SH3GL3: variants seen among roughly 807,000 people sequenced by gnomAD.
SH3GL3 encodes endophilin-A3.
Under a neutral mutation model 47.7 loss-of-function variants are expected in SH3GL3, and 33 were observed. That is an observed-to-expected ratio of 0.69 (90% CI 0.52 to 0.92). SH3GL3 has a LOEUF of 0.92. Ranked by LOEUF, SH3GL3 falls within the 40% of genes least tolerant of loss-of-function variation. SH3GL3 has a pLI of 0.00. For synonymous variants in SH3GL3, 155 were observed against 148.8 expected (o/e 1.04, Z -0.30); for missense variants, 363 against 417.8 (o/e 0.87, Z 1.14).
intron 1 of SH3GL3, among the ~76,000 whole-genome samples, chr15:83,474,515 CT>C (rs902602041): frequency 6.8e-4 from 100 of 146,682 alleles, no homozygotes; most frequent in African/African-American, 2.1e-3. Context: ...ATGGCTGGCA[CT>C]TTTTTTTTTT....
Position 83,572,674 on chromosome 15 carries a change from A to G in SH3GL3, c.441A>G (p.Gln147=). ...TTATTGATCCACTTCAGTTACTACAAGATAAAGATTTAAAAGAGATCGGGG... is the reference window on the plus strand; with the variant it reads ...TTATTGATCCACTTCAGTTACTACAGGATAAAGATTTAAAAGAGATCGGGG... ...QTFIDPLQLL[Q]DKDLKEIGHH... is the part of the protein sequence containing the mutation. Residue 147 remains glutamine (Q), a synonymous_variant, in exon 5 of 9, where the codon CAA becomes CAG. Coordinates refer to ENST00000427482, the MANE Select transcript of SH3GL3 (RefSeq NM_003027.5). 1 of 1,610,604 alleles carries G rather than the reference A, an allele frequency of 6.2e-7. No individual in the cohort carries two copies. Among genetic ancestry groups the G allele is most frequent in the African/African-American group, 1.3e-5 (1 of 75,002 alleles).
At chr15:83,524,812 T>C (rs985608434) in intron 1 of SH3GL3, among the ~76,000 whole-genome samples, 1 of 152,124 alleles carries the variant, frequency 6.6e-6, no homozygotes, top group East Asian at 1.9e-4. Flanking sequence ...TGACCTCCAT[T>C]TCCAACCATG....
chr15:83,580,864 C>T (rs913827755), intron 6 of SH3GL3, among the ~76,000 whole-genome samples: 2 of 152,182 alleles, frequency 1.3e-5, no homozygotes, highest in African/African-American at 4.8e-5. Context: ...CTAGGGAGCA[C>T]CCCCAACCTC....
chr15:83,534,560 C>T (rs148395690), intron 1 of SH3GL3, among the ~76,000 whole-genome samples: 28 of 152,166 alleles, frequency 1.8e-4, no homozygotes, highest in African/African-American at 2.9e-4. Flanking sequence ...GAAAAGAACA[C>T]TTGACTTCAT....
chr15:83,464,727 C>T (rs920171419), intron 1 of SH3GL3, among the ~76,000 whole-genome samples: 1 of 152,086 alleles, frequency 6.6e-6, no homozygotes, highest in Non-Finnish European at 1.5e-5. Flanking sequence ...AAAATACAAC[C>T]GTTTGCTTTT....
chr15:83,462,914 T>C (rs1488910830), intron 1 of SH3GL3, among the ~76,000 whole-genome samples: 2 of 152,178 alleles, frequency 1.3e-5, no homozygotes, highest in African/African-American at 4.8e-5. Flanking sequence ...AGAATATCTA[T>C]CCAGGACAGG....
chr15:83,565,242 ACAGACT>A, intron 3 of SH3GL3, 36 bp downstream of exon 3: 2 of 1,127,764 alleles, frequency 1.8e-6, no homozygotes, highest in Non-Finnish European at 2.7e-6. Context: ...ATTTGCTGTC[ACAGACT>A]CTAATAACCC....
At chr15:83,555,843 C>A (rs1381063599) in intron 1 of SH3GL3, among the ~76,000 whole-genome samples, 4 of 152,124 alleles carry the variant, frequency 2.6e-5, no homozygotes, top group Admixed American at 6.5e-5. Flanking sequence ...CCCAGCAGGC[C>A]CGAGGCTTCA....
chr15:83,630,833 A>G, the SH3GL3 span, among the ~76,000 whole-genome samples: 1 of 151,894 alleles, frequency 6.6e-6, no homozygotes, highest in East Asian at 1.9e-4. Context: ...CCCCTCCCAA[A>G]TCTCAAGTCT....
At chr15:83,614,387 G>T (rs1388059683) in intron 8 of SH3GL3, among the ~76,000 whole-genome samples, 1 of 152,184 alleles carries the variant, frequency 6.6e-6, no homozygotes, top group Non-Finnish European at 1.5e-5. Flanking sequence ...GATCATAGAG[G>T]TTATATTGCA....
the SH3GL3 span, among the ~76,000 whole-genome samples, chr15:83,632,472 C>A: frequency 6.6e-6 from 1 of 152,196 alleles, no homozygotes; most frequent in African/African-American, 2.4e-5. Flanking sequence ...TTAGTCTATT[C>A]TCACACTGCT....
chr15:83,564,019 T>C (rs544597241), intron 2 of SH3GL3, among the ~76,000 whole-genome samples: 1 of 152,336 alleles, frequency 6.6e-6, no homozygotes, highest in East Asian at 1.9e-4. Context: ...CTATGTCTTT[T>C]CATGTTCAGT....
At chr15:83,604,168 T>C (rs1176314168) in intron 8 of SH3GL3, among the ~76,000 whole-genome samples, 2 of 150,870 alleles carry the variant, frequency 1.3e-5, no homozygotes, top group African/African-American at 4.9e-5. Flanking sequence ...AAAAAGAAGC[T>C]AGGTATAAGC....
chr15:83,594,691 A>G (rs147336773), intron 8 of SH3GL3, among the ~76,000 whole-genome samples: 1 of 152,306 alleles, frequency 6.6e-6, no homozygotes, highest in East Asian at 1.9e-4. Flanking sequence ...CATATTTTGT[A>G]GAATGTCCCC....
At chr15:83,477,850 A>G (rs373264231) in intron 1 of SH3GL3, among the ~76,000 whole-genome samples, 15 of 152,216 alleles carry the variant, frequency 9.9e-5, no homozygotes, top group East Asian at 3.8e-4. Context: ...GGAGTGTACT[A>G]TCAGAAGACC....
chr15:83,487,662 A>C (rs569066226), intron 1 of SH3GL3, among the ~76,000 whole-genome samples: 3 of 152,134 alleles, frequency 2.0e-5, no homozygotes, highest in Non-Finnish European at 4.4e-5. Context: ...GTTGGCACAC[A>C]GATGTGATAC....
chr15:83,622,335 G>A (rs2060917404), downstream of SH3GL3, among the ~76,000 whole-genome samples: 1 of 152,136 alleles, frequency 6.6e-6, no homozygotes, highest in African/African-American at 2.4e-5. Flanking sequence ...TATTCACAAA[G>A]CAGCCCTTTT....
chr15:83,562,084 A>G (rs1263163721), intron 2 of SH3GL3, among the ~76,000 whole-genome samples: 1 of 113,338 alleles, frequency 8.8e-6, no homozygotes, highest in South Asian at 2.6e-4. Flanking sequence ...CACACACACT[A>G]TAGTGTCCCT....
intron 1 of SH3GL3, among the ~76,000 whole-genome samples, chr15:83,496,436 T>C (rs1483642088): frequency 6.6e-6 from 1 of 152,034 alleles, no homozygotes; most frequent in Non-Finnish European, 1.5e-5. Flanking sequence ...AATATTTCAA[T>C]TGATTTAATC....
Sources: allele counts gnomAD v4.1 joint callset (sites outside exome capture counted in the v4.1 genomes callset), GRCh38; gene constraint gnomAD v4.1.1; transcripts MANE v1.5; gene names NCBI Gene and HGNC (gene_info 2026-07-23, HGNC 2026-07-21).